The following RIMS1 variants were observed in gnomAD, a reference collection of about 807,000 sequenced individuals.
The protein encoded by RIMS1 is regulating synaptic membrane exocytosis protein 1.
RIMS1 carries 83 observed loss-of-function variants against 214.1 expected under a neutral mutation model. The ratio of observed to expected loss-of-function variants is 0.39; its 90% confidence interval spans 0.32 to 0.47. The LOEUF (loss-of-function observed/expected upper bound fraction) is 0.47. RIMS1 is among the 20% of genes least tolerant of loss of function. RIMS1 has a pLI of 0.99. For synonymous variants in RIMS1, 793 were observed against 786.8 expected (o/e 1.01, Z -0.13); for missense variants, 2,050 against 2,161.8 (o/e 0.95, Z 1.03).
intron 2 of RIMS1, among the ~76,000 whole-genome samples, chr6:72,023,329 C>G (rs1480736949): frequency 2.0e-5 from 3 of 152,054 alleles, no homozygotes; most frequent in East Asian, 1.9e-4. Flanking sequence ...AGCACAGTAG[C>G]TTTCTAATGT....
rs570055646 is a variant in RIMS1 at position 72,209,452 on chromosome 6, T to C, written c.1679-24321T>C. On this transcript the variant is annotated intron_variant, in intron 6 of 33. Coordinates refer to ENST00000521978, the MANE Select transcript of RIMS1 (RefSeq NM_014989.7). ...CATCCTAACATTTTGAGAATTCTTA[T>C]GTCTTCGAAACTAATTTTGCCTTCT... Among the ~76,000 whole-genome samples, 3 of 152,354 alleles carry C rather than the reference T, an allele frequency of 2.0e-5. No individual in the cohort carries two copies. In the East Asian group the frequency reaches 5.8e-4, roughly 29 times the overall value.
At chr6:72,076,393 C>T (rs944251945) in intron 2 of RIMS1, among the ~76,000 whole-genome samples, 1 of 152,148 alleles carries the variant, frequency 6.6e-6, no homozygotes, top group Non-Finnish European at 1.5e-5. Context: ...ACTGTGCTCT[C>T]ACATGGTGGA....
intron 2 of RIMS1, among the ~76,000 whole-genome samples, chr6:72,012,539 A>G (rs1351120588): frequency 6.6e-6 from 1 of 152,164 alleles, no homozygotes; most frequent in Non-Finnish European, 1.5e-5. Flanking sequence ...AGTCATTAAA[A>G]ACAAATAACA....
chr6:72,147,919 T>C (rs1177417505), intron 4 of RIMS1, among the ~76,000 whole-genome samples: 1 of 152,102 alleles, frequency 6.6e-6, no homozygotes, highest in Non-Finnish European at 1.5e-5. Context: ...GGCAAGAAAT[T>C]TTATGTTTTT....
intron 4 of RIMS1, among the ~76,000 whole-genome samples, chr6:72,100,228 A>T (rs915338129): frequency 6.6e-6 from 1 of 152,058 alleles, no homozygotes; most frequent in Non-Finnish European, 1.5e-5. Context: ...TATAATTTAT[A>T]TCATTGCAAG....
intron 4 of RIMS1, among the ~76,000 whole-genome samples, chr6:72,153,388 C>A (rs547687252): frequency 1.3e-5 from 2 of 151,852 alleles, no homozygotes; most frequent in African/African-American, 4.8e-5. Flanking sequence ...AGAACTACAT[C>A]CTATTTTGGT....
chr6:72,338,767 T>A lies in RIMS1; in HGVS notation c.4366+4932T>A, dbSNP rs1374931309. On this transcript the variant is annotated intron_variant, in intron 29 of 33. Transcript: ENST00000521978. The stretch of plus-strand genomic sequence containing the variant: ...TGAGACTTAGAGGGATTGGGTAATT[T>A]GCCCAAGGTCTCATAACTGATTGGG... Among the ~76,000 whole-genome samples, 4 of 151,722 alleles carry A rather than the reference T, an allele frequency of 2.6e-5. No homozygotes were observed. In the Admixed American group the frequency reaches 2.6e-4, roughly 10 times the overall value.
intron 4 of RIMS1, among the ~76,000 whole-genome samples, chr6:72,106,685 G>A (rs1432707233): frequency 6.6e-6 from 1 of 152,070 alleles, no homozygotes; most frequent in Non-Finnish European, 1.5e-5. Flanking sequence ...TTTTAGACAT[G>A]GTTAAAACTT....
At chr6:72,038,090 C>CAAAAAAAAAA (rs869130217) in intron 2 of RIMS1, among the ~76,000 whole-genome samples, 1 of 22,242 alleles carries the variant, frequency 4.5e-5, no homozygotes, top group Non-Finnish European at 8.0e-5. Flanking sequence ...AACAAACAAG[C>CAAAAAAAAAA]AAAAAAAAAA....
chr6:72,298,003 C>T (rs947191912), intron 26 of RIMS1, among the ~76,000 whole-genome samples: 1 of 151,876 alleles, frequency 6.6e-6, no homozygotes, highest in African/African-American at 2.4e-5. Flanking sequence ...CCAAGGGGTT[C>T]ATTAGGGTTT....
At chr6:72,029,694 G>A (rs928241541) in intron 2 of RIMS1, among the ~76,000 whole-genome samples, 2 of 152,180 alleles carry the variant, frequency 1.3e-5, no homozygotes, top group African/African-American at 4.8e-5. Context: ...AATCTTTGAA[G>A]TAGTGAGATG....
At chr6:71,936,932 A>T (rs1275258486) in intron 1 of RIMS1, among the ~76,000 whole-genome samples, 1 of 151,772 alleles carries the variant, frequency 6.6e-6, no homozygotes, top group Non-Finnish European at 1.5e-5. Flanking sequence ...GGAAGACTAA[A>T]GTATTAGCTT....
rs780737960 is a variant in RIMS1 at position 72,179,850 on chromosome 6, G to A, written c.747G>A (p.Gln249=). 1 of 1,607,080 alleles carries A rather than the reference G, an allele frequency of 6.2e-7. No homozygotes were observed. The highest frequency in any genetic ancestry group is 2.2e-5 in the East Asian group (1 of 44,818). ...PDRSKGAEPS[Q]QALGPEQKQA... Reference sequence around the variant, plus strand: ...GGAGCAAAGGGGCTGAGCCCTCGCAGCAAGCCTTGGGGCCTGAACAGAAGC... The same window carrying A: ...GGAGCAAAGGGGCTGAGCCCTCGCAACAAGCCTTGGGGCCTGAACAGAAGC... The change falls in exon 5 of 34, where the codon CAG becomes CAA. Residue 249 remains glutamine (Q), a synonymous_variant. Transcript: ENST00000521978.
intron 2 of RIMS1, among the ~76,000 whole-genome samples, chr6:72,036,478 C>T (rs80067973): frequency 0.13 from 19,880 of 152,102 alleles, 1,361 homozygotes; most frequent in South Asian, 0.18. Context: ...CAAGTAAGTA[C>T]AGTTCCTGTA....
At chr6:72,188,961 A>T (rs1208210401) in intron 6 of RIMS1, among the ~76,000 whole-genome samples, 1 of 152,198 alleles carries the variant, frequency 6.6e-6, no homozygotes, top group Non-Finnish European at 1.5e-5. Flanking sequence ...AGGTGGCAAT[A>T]TTAACTTACA....
chr6:72,334,044 A>T (rs1025164783), intron 29 of RIMS1, among the ~76,000 whole-genome samples: 2 of 151,864 alleles, frequency 1.3e-5, no homozygotes, highest in Non-Finnish European at 2.9e-5. Flanking sequence ...TAAATCTGTA[A>T]AGTGGACAGA....
intron 4 of RIMS1, among the ~76,000 whole-genome samples, chr6:72,167,645 T>A (rs1215858877): frequency 6.6e-6 from 1 of 152,138 alleles, no homozygotes; most frequent in African/African-American, 2.4e-5. Flanking sequence ...GGGTTTTCAG[T>A]TTCTTTTTTG....
rs10642216 is a variant in RIMS1, at chr6:71,933,682, TCA to T, written c.165-35266_165-35265del. On this transcript the variant is annotated intron_variant, in intron 1 of 33. Transcript: ENST00000521978. Reference sequence around the variant, plus strand: ...TAAATGTCTATCAGCTCTTCCTCAATCACACACACACACACACACACACACAC... The same window carrying T: ...TAAATGTCTATCAGCTCTTCCTCAATCACACACACACACACACACACACAC... Among the ~76,000 whole-genome samples the T allele has an allele frequency of 9.2e-3, 1,281 of 139,260 alleles. 12 individuals are homozygous for T. Among genetic ancestry groups the T allele is most frequent in the Middle Eastern group, 0.017 (5 of 290 alleles). 91.4% of individuals were successfully genotyped at this position (139,260 alleles called of 152,430 possible).
intron 6 of RIMS1, 121 bp downstream of exon 6, chr6:72,183,270 T>C (rs1259474956): frequency 5.6e-6 from 5 of 890,178 alleles, no homozygotes; most frequent in South Asian, 4.9e-5. Flanking sequence ...ACAGATAAGA[T>C]AGCGTTACCG....
Sources: allele counts gnomAD v4.1 joint callset (sites outside exome capture counted in the v4.1 genomes callset), GRCh38; gene constraint gnomAD v4.1.1; transcripts MANE v1.5; gene names NCBI Gene and HGNC (gene_info 2026-07-23, HGNC 2026-07-21).